The following UBR3 variants were observed in gnomAD, a reference collection of about 807,000 sequenced individuals.
UBR3 encodes the protein E3 ubiquitin-protein ligase UBR3.
A neutral mutation model predicts 243.2 loss-of-function variants in UBR3; 85 were observed. The observed-to-expected ratio is 0.35, with a 90% CI of 0.29 to 0.42. UBR3 has a LOEUF of 0.42. UBR3 is among the 10% of genes least tolerant of loss of function. The pLI is 1.00. For missense variants in UBR3, 1,686 were observed against 2,300.8 expected (o/e 0.73, Z 5.47); for synonymous variants, 748 against 799.8 (o/e 0.94, Z 1.09).
chr2:170,063,431 C>A (rs116618561), intron 35 of UBR3, among the ~76,000 whole-genome samples: 1 of 151,590 alleles, frequency 6.6e-6, no homozygotes, highest in Admixed American at 6.6e-5. Flanking sequence ...AATTTGTTCT[C>A]CTTTTATTTA....
chr2:169,990,092 T>A (rs1019454096), intron 25 of UBR3, among the ~76,000 whole-genome samples: 2 of 152,192 alleles, frequency 1.3e-5, no homozygotes, highest in African/African-American at 4.8e-5. Context: ...GTTCTAGATC[T>A]TTTTAGTGTT....
chr2:169,849,487 G>T (rs1415259120), intron 1 of UBR3, among the ~76,000 whole-genome samples: 2 of 152,128 alleles, frequency 1.3e-5, no homozygotes, highest in African/African-American at 4.8e-5. Context: ...AAGAGATGGG[G>T]TTTCACCATG....
intron 8 of UBR3, among the ~76,000 whole-genome samples, chr2:169,899,163 A>G (rs930929878): frequency 2.0e-5 from 3 of 150,852 alleles, no homozygotes; most frequent in Non-Finnish European, 4.4e-5. Context: ...TATTTTTAGT[A>G]GAGACAGGGT....
intron 4 of UBR3, 84 bp downstream of exon 4, chr2:169,877,721 A>T: frequency 7.4e-7 from 1 of 1,352,592 alleles, no homozygotes; most frequent in South Asian, 1.5e-5. Flanking sequence ...TCATTATTGA[A>T]AAAAATTATT....
intron 18 of UBR3, 140 bp from the exon 19 acceptor site, chr2:169,932,772 A>G (rs1387134253): frequency 4.6e-6 from 3 of 657,678 alleles, no homozygotes; most frequent in African/African-American, 3.9e-5. Flanking sequence ...CATGGCATCA[A>G]GCTTCTTAAG....
intron 1 of UBR3, among the ~76,000 whole-genome samples, chr2:169,835,993 G>GTCTCTCTCTCTCTC (rs577838877): frequency 3.3e-5 from 1 of 30,738 alleles, no homozygotes; most frequent in African/African-American, 1.1e-4. Context: ...TGTGTGCACT[G>GTCTCTCTCTCTCTC]TCTCTCTCTC....
chr2:169,866,371 T>TA lies in UBR3; in HGVS notation c.546-5865_546-5864insA, dbSNP rs566147345. 1.5e-4 allele frequency among the ~76,000 whole-genome samples: 22 copies of TA among 144,394 alleles called. No individual in the cohort carries two copies. The South Asian group carries it at 2.6e-3, about 17-fold the overall frequency. The allele number at this position is 144,394 out of a possible 152,430, so 94.7% of individuals were successfully genotyped here. ...TGGAAGAAGTTTTTTTGTTTTTTTG[T>TA]TTTTTTTTTTGAGATGAAGTCTTGC... On this transcript the variant is annotated intron_variant, in intron 1 of 38. Coordinates refer to ENST00000272793, the MANE Select transcript of UBR3 (RefSeq NM_172070.4).
At chr2:169,870,140 A>G (rs1574085185) in intron 1 of UBR3, among the ~76,000 whole-genome samples, 1 of 152,326 alleles carries the variant, frequency 6.6e-6, no homozygotes, top group East Asian at 1.9e-4. Context: ...CGTATATAGT[A>G]TAAGATAGGA....
Position 170,081,870 on chromosome 2 carries a change from C to T in UBR3, c.*27C>T. The T allele has an allele frequency of 1.4e-6, 2 of 1,410,352 alleles. No homozygotes were observed. The highest frequency in any genetic ancestry group is 1.9e-6 in the Non-Finnish European group (2 of 1,041,222). The allele number at this position is 1,410,352 out of a possible 1,614,324, so 87.4% of individuals were successfully genotyped here. A position where few individuals can be genotyped will look rare whatever the true frequency, so the allele number is the denominator to read the frequency against. On this transcript the variant is annotated 3_prime_UTR_variant, in exon 39 of 39. Coordinates refer to ENST00000272793, the MANE Select transcript of UBR3 (RefSeq NM_172070.4). The stretch of plus-strand genomic sequence containing the variant: ...TCTCCACCTCAGCATTGCATCGTAT[C>T]ATCATTTTCGCTACGAATTTATTTT...
At chr2:169,907,010 C>A (rs2085036344) in intron 10 of UBR3, among the ~76,000 whole-genome samples, 3 of 147,228 alleles carry the variant, frequency 2.0e-5, no homozygotes, top group Non-Finnish European at 3.0e-5. Context: ...AGCCTTGTTA[C>A]AATCTTACTA....
intron 11 of UBR3, among the ~76,000 whole-genome samples, chr2:169,920,556 A>G (rs2085658203): frequency 6.6e-6 from 1 of 152,160 alleles, no homozygotes; most frequent in South Asian, 2.1e-4. Flanking sequence ...GGAAATCTGA[A>G]TAGGAACTCC....
intron 32 of UBR3, among the ~76,000 whole-genome samples, chr2:170,047,614 G>A (rs2091120778): frequency 6.6e-6 from 1 of 152,132 alleles, no homozygotes. Context: ...AATGGAGGAG[G>A]AGAACAGAAG....
chr2:170,063,306 G>A (rs1291246203), intron 35 of UBR3, among the ~76,000 whole-genome samples: 1 of 152,164 alleles, frequency 6.6e-6, no homozygotes, highest in Non-Finnish European at 1.5e-5. Context: ...CAGGGCAGAT[G>A]CACAGGGGAT....
chr2:169,840,387 G>A (rs1028521747), intron 1 of UBR3, among the ~76,000 whole-genome samples: 1 of 152,206 alleles, frequency 6.6e-6, no homozygotes, highest in Admixed American at 6.5e-5. Context: ...GTATCTGACC[G>A]AGATGTCGGT....
chr2:169,857,306 C>G (rs1480850935), intron 1 of UBR3, among the ~76,000 whole-genome samples: 2 of 151,916 alleles, frequency 1.3e-5, no homozygotes, highest in Admixed American at 1.3e-4. Flanking sequence ...AACTGCTGAC[C>G]CTTCAGATGA....
chr2:169,896,369 C>T lies in UBR3; in HGVS notation c.1237-138C>T, dbSNP rs563320734. 4 of 558,334 alleles carry T rather than the reference C, an allele frequency of 7.2e-6. No individual in the cohort carries two copies. In the African/African-American group the frequency reaches 7.8e-5, roughly 11 times the overall value. The allele number at this position is 558,334 out of a possible 1,614,324, so 34.6% of individuals were successfully genotyped here. ...AAAAAGTGAAAGACTACCTCACCAT[C>T]GAGATTTTTTTTAAGTTATCTTGGG... On this transcript the variant is annotated intron_variant, in intron 7 of 38. Coordinates refer to ENST00000272793, the MANE Select transcript of UBR3 (RefSeq NM_172070.4).
intron 1 of UBR3, among the ~76,000 whole-genome samples, chr2:169,833,822 C>G (rs149698829): frequency 2.6e-5 from 4 of 151,650 alleles, no homozygotes; most frequent in Non-Finnish European, 5.9e-5. Context: ...CGCAGTGTCT[C>G]CCAGGCTGGA....
At chr2:170,001,173 T>G in intron 26 of UBR3, 131 bp from the exon 27 acceptor site, 1 of 633,636 alleles carries the variant, frequency 1.6e-6, no homozygotes. Flanking sequence ...TTAATTGATA[T>G]CACAAGAATA....
chr2:169,955,267 GATATTGTAATATCCCA>G (rs2087226206), intron 23 of UBR3, among the ~76,000 whole-genome samples: 1 of 152,026 alleles, frequency 6.6e-6, no homozygotes, highest in Admixed American at 6.5e-5. Context: ...GATACTATGA[GATATTGTAATATCCCA>G]ATTCATATCA....
Sources: gnomAD v4.1 joint callset for allele counts (sites outside exome capture counted in the v4.1 genomes callset) on GRCh38, gnomAD v4.1.1 for gene constraint, MANE v1.5 for transcripts, NCBI Gene and HGNC (gene_info 2026-07-23, HGNC 2026-07-21) for gene names.